CCDC171: variants seen among roughly 807,000 people sequenced by gnomAD.
CCDC171 encodes coiled-coil domain-containing protein 171.
In CCDC171, 177 loss-of-function variants were observed where a neutral mutation model predicts 168.2. That is an observed-to-expected ratio of 1.05 (90% CI 0.93 to 1.19). CCDC171 has a LOEUF of 1.19. Among genes scored for constraint, CCDC171 ranks in the 50% most tolerant of loss-of-function variants. The pLI is 0.00. For missense variants in CCDC171, 1,991 were observed against 1,539.0 expected (o/e 1.29, Z -4.91); for synonymous variants, 687 against 540.8 (o/e 1.27, Z -3.75).
chr9:15,881,682 G>A (rs77898070), intron 24 of CCDC171, among the ~76,000 whole-genome samples: 8,510 of 152,068 alleles, frequency 0.056, 519 homozygotes, highest in African/African-American at 0.14. Context: ...CTTCATGAGA[G>A]TCACCTTTTT....
At chr9:15,840,152 C>G (rs2060616200) in intron 21 of CCDC171, among the ~76,000 whole-genome samples, 1 of 152,012 alleles carries the variant, frequency 6.6e-6, no homozygotes, top group South Asian at 2.1e-4. Flanking sequence ...TTATTCACTT[C>G]TATCACCAAA....
intron 4 of CCDC171, among the ~76,000 whole-genome samples, chr9:15,587,420 A>G (rs530231728): frequency 1.8e-4 from 27 of 152,208 alleles, no homozygotes; most frequent in Non-Finnish European, 3.1e-4. Context: ...GCCTGCTGCC[A>G]TGCATGTAAG....
intron 10 of CCDC171, among the ~76,000 whole-genome samples, chr9:15,684,034 A>G (rs2050215825): frequency 6.6e-6 from 1 of 152,024 alleles, no homozygotes; most frequent in African/African-American, 2.4e-5. Context: ...TGATTAGGGA[A>G]AAGCTGCTGA....
At chr9:16,060,178 A>G (rs1000580623) in intron 1 of CCDC171, among the ~76,000 whole-genome samples, 9 of 152,202 alleles carry the variant, frequency 5.9e-5, no homozygotes, top group African/African-American at 2.2e-4. Flanking sequence ...ACCTGCACTC[A>G]GATGGCAATT....
At chr9:15,790,062 G>T (rs927243553) in intron 21 of CCDC171, among the ~76,000 whole-genome samples, 1 of 152,148 alleles carries the variant, frequency 6.6e-6, no homozygotes, top group Non-Finnish European at 1.5e-5. Context: ...AATAACATAC[G>T]TGTGCATGTG....
At chr9:16,077,321 C>G in the CCDC171 span, among the ~76,000 whole-genome samples, 1 of 152,176 alleles carries the variant, frequency 6.6e-6, no homozygotes, top group Non-Finnish European at 1.5e-5. Context: ...GGGCCCTCGC[C>G]TTACCGGGGT....
intron 18 of CCDC171, among the ~76,000 whole-genome samples, chr9:15,749,145 A>G (rs983604089): frequency 3.3e-5 from 1 of 30,758 alleles, no homozygotes; most frequent in Non-Finnish European, 6.2e-5. Context: ...ATGGAAAGCA[A>G]AAAAAAAAAA....
chr9:15,716,718 C>G (rs2053114189), intron 11 of CCDC171, among the ~76,000 whole-genome samples: 1 of 152,122 alleles, frequency 6.6e-6, no homozygotes, highest in Non-Finnish European at 1.5e-5. Flanking sequence ...CAAGAGAGAG[C>G]AAGAGTTGGG....
chr9:15,695,639 C>T (rs1370233349), intron 11 of CCDC171, among the ~76,000 whole-genome samples: 1 of 152,156 alleles, frequency 6.6e-6, no homozygotes, highest in Non-Finnish European at 1.5e-5. Flanking sequence ...TTACAGTATA[C>T]CTGCAAGGGG....
chr9:15,813,010 C>G (rs752559155), intron 21 of CCDC171, among the ~76,000 whole-genome samples: 5 of 152,160 alleles, frequency 3.3e-5, no homozygotes, highest in Non-Finnish European at 7.3e-5. Context: ...TTTAGGTTGT[C>G]CTCTTTGGGG....
chr9:15,754,371 A>T (rs1449568069), intron 18 of CCDC171, among the ~76,000 whole-genome samples: 1 of 152,108 alleles, frequency 6.6e-6, no homozygotes, highest in Non-Finnish European at 1.5e-5. Flanking sequence ...TGAAGATATT[A>T]TCTTCCTCCT....
chr9:15,710,753 G>A (rs973668851), intron 11 of CCDC171, among the ~76,000 whole-genome samples: 3 of 151,844 alleles, frequency 2.0e-5, no homozygotes, highest in African/African-American at 4.8e-5. Flanking sequence ...GCACCAACAC[G>A]TACAGCTAAT....
intron 1 of CCDC171, among the ~76,000 whole-genome samples, chr9:15,559,109 A>C (rs1016895715): frequency 3.3e-5 from 5 of 152,006 alleles, no homozygotes; most frequent in Non-Finnish European, 7.4e-5. Flanking sequence ...AGTTTGTTAT[A>C]ATTTCTGTTC....
chr9:15,868,237 T>C (rs999941027), intron 23 of CCDC171, among the ~76,000 whole-genome samples: 1 of 152,046 alleles, frequency 6.6e-6, no homozygotes, highest in African/African-American at 2.4e-5. Flanking sequence ...AGAGGGCTAG[T>C]TGCTTACCTC....
chr9:15,783,705 C>T (rs2057785598), intron 20 of CCDC171, among the ~76,000 whole-genome samples: 1 of 152,264 alleles, frequency 6.6e-6, no homozygotes, highest in African/African-American at 2.4e-5. Flanking sequence ...GCCTTGGATT[C>T]TCCATCCCTG....
intron 4 of CCDC171, among the ~76,000 whole-genome samples, chr9:15,585,106 G>A (rs1447578146): frequency 6.6e-6 from 1 of 152,156 alleles, no homozygotes; most frequent in Non-Finnish European, 1.5e-5. Flanking sequence ...ATATTGGTGA[G>A]GATATAGAGC....
intron 23 of CCDC171, among the ~76,000 whole-genome samples, chr9:15,852,467 A>G (rs2061171151): frequency 6.6e-6 from 1 of 151,710 alleles, no homozygotes; most frequent in South Asian, 2.1e-4. Flanking sequence ...TTCTTTGCAT[A>G]TTCTGGATAC....
At chr9:15,795,224 G>A (rs1026574230) in intron 21 of CCDC171, among the ~76,000 whole-genome samples, 6 of 152,068 alleles carry the variant, frequency 3.9e-5, no homozygotes, top group African/African-American at 1.4e-4. Context: ...AGGGAAGGGG[G>A]CCAAACCCAT....
At chr9:15,981,528 C>A (rs528965874) in intron 3 of CCDC171, among the ~76,000 whole-genome samples, 1 of 152,232 alleles carries the variant, frequency 6.6e-6, no homozygotes, top group East Asian at 1.9e-4. Flanking sequence ...TTAATATAAG[C>A]AGTGCTGATT....
Sources: allele counts gnomAD v4.1 joint callset (sites outside exome capture counted in the v4.1 genomes callset), GRCh38; gene constraint gnomAD v4.1.1; transcripts MANE v1.5; gene names NCBI Gene and HGNC (gene_info 2026-07-23, HGNC 2026-07-21).